The following MARCHF3 variants were observed in gnomAD, a reference collection of about 807,000 sequenced individuals.
MARCHF3 encodes the protein E3 ubiquitin-protein ligase MARCHF3.
In MARCHF3, 13 loss-of-function variants were observed where a neutral mutation model predicts 24.2. That is an observed-to-expected ratio of 0.54 (90% CI 0.35 to 0.85). MARCHF3 has a LOEUF of 0.85. Ranked by LOEUF, MARCHF3 falls within the 40% of genes least tolerant of loss-of-function variation. MARCHF3 has a pLI of 0.01. For synonymous variants in MARCHF3, 144 were observed against 137.3 expected (o/e 1.05, Z -0.34); for missense variants, 276 against 325.0 (o/e 0.85, Z 1.16).
chr5:126,907,276 G>GA (rs1311104009), intron 3 of MARCHF3, among the ~76,000 whole-genome samples: 1 of 142,860 alleles, frequency 7.0e-6, no homozygotes, highest in Non-Finnish European at 1.5e-5. Flanking sequence ...GTGTGGTGCT[G>GA]AAAAAAATGT....
At chr5:126,883,134 A>C (rs1290407741) in intron 3 of MARCHF3, among the ~76,000 whole-genome samples, 1 of 152,218 alleles carries the variant, frequency 6.6e-6, no homozygotes, top group Admixed American at 6.5e-5. Flanking sequence ...ACTTGTGGAC[A>C]GCTTTTGCAG....
chr5:126,873,026 G>A (rs1043022802), intron 4 of MARCHF3, among the ~76,000 whole-genome samples: 2 of 152,160 alleles, frequency 1.3e-5, no homozygotes, highest in Non-Finnish European at 2.9e-5. Context: ...AATATAAGAA[G>A]TCTGGAATCT....
chr5:127,001,514 G>A (rs1230813142), intron 1 of MARCHF3, among the ~76,000 whole-genome samples: 2 of 152,162 alleles, frequency 1.3e-5, no homozygotes, highest in African/African-American at 2.4e-5. Context: ...CATGGTACCA[G>A]TGTGCACTTA....
chr5:126,995,297 T>C (rs544748295), intron 1 of MARCHF3, among the ~76,000 whole-genome samples: 1 of 152,340 alleles, frequency 6.6e-6, no homozygotes, highest in African/African-American at 2.4e-5. Context: ...TGTACCAGTG[T>C]GCAACTGGAT....
At chr5:126,993,819 C>T (rs1399487229) in intron 1 of MARCHF3, among the ~76,000 whole-genome samples, 13 of 152,228 alleles carry the variant, frequency 8.5e-5, no homozygotes, top group Admixed American at 8.5e-4. Flanking sequence ...CTTTAAGTGA[C>T]TTTCACTCTA....
At chr5:126,994,435 T>C (rs1015079560) in intron 1 of MARCHF3, among the ~76,000 whole-genome samples, 1 of 152,204 alleles carries the variant, frequency 6.6e-6, no homozygotes, top group African/African-American at 2.4e-5. Context: ...ATTGTGGTAG[T>C]AGTTAACATA....
chr5:126,893,950 C>G (rs1753782800), intron 3 of MARCHF3, among the ~76,000 whole-genome samples: 2 of 101,920 alleles, frequency 2.0e-5, no homozygotes, highest in African/African-American at 8.9e-5. Flanking sequence ...TCACTCAGGA[C>G]TTGCTTTATG....
Position 126,869,871 on chromosome 5 carries a change from C to T in MARCHF3, c.*762G>A, listed in dbSNP as rs1166585930. ...CAATCAGTGGGTTTTGTCTTTCACA[C>T]ACTGGATGTTTATTATTAGAAAATA... On this transcript the variant is annotated 3_prime_UTR_variant, in exon 5 of 5. Coordinates refer to ENST00000308660, the MANE Select transcript of MARCHF3 (RefSeq NM_178450.5). The T allele has an allele frequency of 9.2e-5, 14 of 152,326 alleles. No homozygotes were observed. Among genetic ancestry groups the T allele is most frequent in the Admixed American group, 9.2e-4 (14 of 15,240 alleles). 9.4% of individuals were successfully genotyped at this position (152,326 alleles called of 1,614,324 possible).
intron 3 of MARCHF3, among the ~76,000 whole-genome samples, chr5:126,895,300 T>C (rs1753839773): frequency 6.6e-6 from 1 of 152,160 alleles, no homozygotes; most frequent in Non-Finnish European, 1.5e-5. Flanking sequence ...GAAGCCTTCT[T>C]CTCTCAGCTC....
intron 2 of MARCHF3, among the ~76,000 whole-genome samples, chr5:126,916,392 A>ACTAT: frequency 6.6e-6 from 1 of 152,180 alleles, no homozygotes; most frequent in South Asian, 2.1e-4. Flanking sequence ...CCTCCTGAAC[A>ACTAT]CTATCTTTGG....
At chr5:126,954,570 T>C (rs1382638059) in intron 1 of MARCHF3, among the ~76,000 whole-genome samples, 2 of 151,380 alleles carry the variant, frequency 1.3e-5, no homozygotes, top group Non-Finnish European at 2.9e-5. Context: ...GGGGTCTCCC[T>C]ATGTTGCCCA....
intron 3 of MARCHF3, among the ~76,000 whole-genome samples, chr5:126,907,255 G>C (rs2126787054): frequency 6.9e-6 from 1 of 144,534 alleles, no homozygotes; most frequent in South Asian, 2.4e-4. Flanking sequence ...GTCAATTTTG[G>C]AATAGGTGTG....
At chr5:126,991,730 A>C (rs1751769394) in intron 1 of MARCHF3, among the ~76,000 whole-genome samples, 1 of 151,960 alleles carries the variant, frequency 6.6e-6, no homozygotes, top group South Asian at 2.1e-4. Context: ...CAAAAAAAAA[A>C]AAAGAAACCT....
chr5:126,936,257 T>A (rs567797942), intron 1 of MARCHF3, among the ~76,000 whole-genome samples: 1 of 152,316 alleles, frequency 6.6e-6, no homozygotes, highest in African/African-American at 2.4e-5. Flanking sequence ...AAAAGGAATT[T>A]ATCTTAGGGA....
intron 1 of MARCHF3, among the ~76,000 whole-genome samples, chr5:126,969,642 A>G (rs1750933730): frequency 6.6e-6 from 1 of 152,216 alleles, no homozygotes; most frequent in South Asian, 2.1e-4. Context: ...TGCAGACATA[A>G]CCACAAACCA....
intron 3 of MARCHF3, among the ~76,000 whole-genome samples, chr5:126,910,472 A>G (rs77775239): frequency 0.023 from 3,429 of 152,296 alleles, 115 homozygotes; most frequent in African/African-American, 0.079. Flanking sequence ...GCTATCTACT[A>G]TTGTGAGAAG....
chr5:126,926,596 T>A (rs1238297717), intron 1 of MARCHF3, among the ~76,000 whole-genome samples: 1 of 152,100 alleles, frequency 6.6e-6, no homozygotes, highest in Admixed American at 6.5e-5. Flanking sequence ...GAAACAAACC[T>A]GTCTTGAGTG....
At chr5:126,954,261 G>A (rs1423803920) in intron 1 of MARCHF3, among the ~76,000 whole-genome samples, 23 of 149,240 alleles carry the variant, frequency 1.5e-4, no homozygotes, top group Non-Finnish European at 2.2e-4. Context: ...GTGTTAGCCA[G>A]GATGGTCTTG....
intron 1 of MARCHF3, among the ~76,000 whole-genome samples, chr5:126,925,263 G>C (rs1280848194): frequency 6.6e-6 from 1 of 152,134 alleles, no homozygotes; most frequent in Non-Finnish European, 1.5e-5. Flanking sequence ...AAGCAAGTTG[G>C]ATCCGGGGAG....
Sources: allele counts gnomAD v4.1 joint callset (sites outside exome capture counted in the v4.1 genomes callset), GRCh38; gene constraint gnomAD v4.1.1; transcripts MANE v1.5; gene names NCBI Gene and HGNC (gene_info 2026-07-23, HGNC 2026-07-21).